The following TNRC6A variants were observed in gnomAD, a reference collection of about 807,000 sequenced individuals.
TNRC6A encodes trinucleotide repeat containing adaptor 6A.
A neutral mutation model predicts 221.2 loss-of-function variants in TNRC6A; 44 were observed. The observed-to-expected ratio is 0.20, with a 90% CI of 0.16 to 0.26. TNRC6A has a LOEUF of 0.26. Ranked by LOEUF, TNRC6A falls within the 10% of genes least tolerant of loss-of-function variation. TNRC6A has a pLI of 1.00. For synonymous variants in TNRC6A, 847 were observed against 838.5 expected, an observed-to-expected ratio of 1.01 and a Z score of -0.18; for missense variants, 2,199 against 2,404.4, an observed-to-expected ratio of 0.91 and a Z score of 1.79.
intron 23 of TNRC6A, 143 bp from the exon 24 acceptor site, chr16:24,822,731 G>A: frequency 8.5e-7 from 1 of 1,179,642 alleles, no homozygotes. Context: ...CCCCGTCAGA[G>A]CAACGTCAGA....
In TNRC6A at chr16:24,824,128, C is replaced by CG. The variant is rs1555512474; in HGVS notation, c.*321_*322insG. The CG allele has an allele frequency of 2.6e-5, 3 of 115,340 alleles. No homozygotes were observed. The highest frequency in any genetic ancestry group is 2.5e-4 in the Admixed American group (2 of 8,074). The allele number at this position is 115,340 out of a possible 1,614,324, so 7.1% of individuals were successfully genotyped here. On this transcript the variant is annotated 3_prime_UTR_variant, in exon 25 of 25. Transcript: ENST00000395799. ...TTTTTTCCTTCTATTCCTCCCCAAC[C>CG]CCCCCCCCCGCCCCTTTTTTTCTCT...
chr16:24,655,959 C>T lies in TNRC6A; in HGVS notation n.402+14950C>T, dbSNP rs567554688. ...GTTTGAGACCAGCCTGGGCAACCTA[C>T]GGAGACCCTTGTCTTTACAAAAAAT... On this transcript the variant is annotated intron_variant and non_coding_transcript_variant, in intron 2 of 2. Coordinates refer to the TNRC6A transcript ENST00000566108. Among the ~76,000 whole-genome samples, 9 of 149,108 alleles carry T rather than the reference C, an allele frequency of 6.0e-5. No homozygotes were observed. In the East Asian group the frequency reaches 6.1e-4, roughly 10 times the overall value.
intron 5 of TNRC6A, among the ~76,000 whole-genome samples, chr16:24,788,672 G>A (rs1213204442): frequency 6.8e-6 from 1 of 146,334 alleles, no homozygotes; most frequent in Non-Finnish European, 1.5e-5. Flanking sequence ...TTTTTGAGAC[G>A]GAGTCTCGCT....
intron 2 of TNRC6A, among the ~76,000 whole-genome samples, chr16:24,683,430 T>C (rs1437067085): frequency 6.6e-6 from 1 of 152,140 alleles, no homozygotes; most frequent in East Asian, 1.9e-4. Flanking sequence ...ACACCTGTGC[T>C]CAAGCGATCC....
chr16:24,762,983 A>AT (rs998384291), intron 4 of TNRC6A, among the ~76,000 whole-genome samples: 15 of 150,348 alleles, frequency 1.0e-4, no homozygotes, highest in Non-Finnish European at 1.9e-4. Context: ...AAGCGTGTAG[A>AT]TTTTTTTTTT....
At position 24,791,778 on chromosome 16, in the gene TNRC6A, G is replaced by C. The variant is rs1567484538; in HGVS notation, c.3136G>C (p.Ala1046Pro). The change falls in exon 6 of 25, where the codon GCA becomes CCA. Residue 1046 changes from alanine (A) to proline (P), a missense_variant. By Grantham distance (27) the Ala-to-Pro change is conservative (BLOSUM62 -1). Transcript: ENST00000395799. Reference protein sequence around the residue: ...QAQVHQLLTPASAISNKEASS... With the variant: ...QAQVHQLLTPPSAISNKEASS... ...ACAGGTACATCAGCTGCTAACGCCT[G>C]CAAGTGCCATCTCAAACAAAGAGGC... 1 of 1,576,116 alleles carries C rather than the reference G, an allele frequency of 6.3e-7. No individual in the cohort carries two copies. Among genetic ancestry groups the C allele is most frequent in the Non-Finnish European group, 8.6e-7 (1 of 1,165,046 alleles).
intron 1 of TNRC6A, among the ~76,000 whole-genome samples, chr16:24,640,075 G>T (rs1383999659): frequency 6.6e-6 from 1 of 152,154 alleles, no homozygotes; most frequent in Non-Finnish European, 1.5e-5. Flanking sequence ...ATGATAGTTG[G>T]GTGGGGGAGT....
chr16:24,808,387 A>G lies in TNRC6A; in HGVS notation c.4541-963A>G, dbSNP rs11865084. Among the ~76,000 whole-genome samples the G allele has an allele frequency of 8.7e-3, 1,321 of 152,344 alleles. 22 individuals carry two copies. The highest frequency in any genetic ancestry group is 0.03 in the African/African-American group (1,254 of 41,578). On this transcript the variant is annotated intron_variant, in intron 17 of 24. Transcript: ENST00000395799. The stretch of plus-strand genomic sequence containing the variant: ...ATGGCCTGTTGGCCAAATTTGGCCC[A>G]CTGCCTGCTGTTGTAAGGTTTTGTT...
chr16:24,616,342 AAAG>A (rs575298794), intron 1 of TNRC6A, among the ~76,000 whole-genome samples: 11 of 144,930 alleles, frequency 7.6e-5, no homozygotes, highest in South Asian at 2.2e-4. Context: ...AAAAAAAAAA[AAAG>A]AAGAAGAAGA....
At chr16:24,794,498 C>A (rs761023567) in intron 7 of TNRC6A, 46 bp from the exon 8 acceptor site, 8 of 1,569,400 alleles carry the variant, frequency 5.1e-6, no homozygotes, top group East Asian at 2.3e-5. Context: ...AGAAGGAATT[C>A]TTTTATTAAA....
intron 2 of TNRC6A, chr16:24,664,972 G>A (rs1175043447): frequency 4.4e-6 from 2 of 456,446 alleles, no homozygotes; most frequent in Non-Finnish European, 8.8e-6. Context: ...TCACGGGATG[G>A]TTGCAGCCAG....
rs67546745 is a variant in TNRC6A at position 24,623,901 on chromosome 16, CAAAAAAAAAAAAA to C, written n.276+13434_276+13446del. 5.4e-5 allele frequency among the ~76,000 whole-genome samples: 3 copies of C among 55,188 alleles called. No individual in the cohort carries two copies. The Admixed American group carries it at 1.0e-3, about 18-fold the overall frequency. The allele number at this position is 55,188 out of a possible 152,430, so 36.2% of individuals were successfully genotyped here. On this transcript the variant is annotated intron_variant and non_coding_transcript_variant, in intron 1 of 2. Coordinates refer to the TNRC6A transcript ENST00000566108. ...TGGGTAAAGGAGCAAGACCCTGTCT[CAAAAAAAAAAAAA>C]AAAAAAAAAAAAAAAAGAATTTCAA...
intron 1 of TNRC6A, among the ~76,000 whole-genome samples, chr16:24,620,823 C>T (rs760412511): frequency 9.4e-5 from 14 of 149,502 alleles, no homozygotes; most frequent in Non-Finnish European, 1.6e-4. Flanking sequence ...CAGTGGCTCA[C>T]GCCTGTAATC....
chr16:24,783,389 A>T (rs1248757639), intron 5 of TNRC6A, among the ~76,000 whole-genome samples: 1 of 152,160 alleles, frequency 6.6e-6, no homozygotes, highest in African/African-American at 2.4e-5. Context: ...TCGGCCTCCC[A>T]AAGTGCTGGG....
At chr16:24,808,739 A>G (rs138510829) in intron 17 of TNRC6A, among the ~76,000 whole-genome samples, 59 of 152,360 alleles carry the variant, frequency 3.9e-4, no homozygotes, top group African/African-American at 1.2e-3. Context: ...CCTCTTGGGA[A>G]TTGTGAAACA....
In TNRC6A at chr16:24,815,189, T is replaced by C. The variant is rs1390222999; in HGVS notation, c.4715T>C (p.Val1572Ala). 2.5e-6 allele frequency: 4 copies of C among 1,614,232 alleles called. No homozygotes were observed. In the Admixed American group the frequency reaches 5.0e-5, roughly 20 times the overall value. ...TTCAGGCTGGAAGAGTCTCCATTTG[T>C]TCCCTATGACTTTATGAACAGCAGT... ...SGFRLEESPF[V>A]PYDFMNSSTS... is the part of the protein sequence containing the mutation. Residue 1572 changes from valine to alanine, a missense_variant, in exon 19 of 25, where the codon GTT (valine) becomes GCT (alanine). Coordinates refer to ENST00000395799, the MANE Select transcript of TNRC6A (RefSeq NM_014494.4).
At chr16:24,720,481 G>T (rs1487824958) in intron 2 of TNRC6A, among the ~76,000 whole-genome samples, 1 of 151,612 alleles carries the variant, frequency 6.6e-6, no homozygotes, top group Non-Finnish European at 1.5e-5. Flanking sequence ...CTGAGGTCAG[G>T]AGTTCGAGAC....
At chr16:24,647,843 C>T (rs1303602403) in intron 2 of TNRC6A, among the ~76,000 whole-genome samples, 1 of 152,098 alleles carries the variant, frequency 6.6e-6, no homozygotes, top group African/African-American at 2.4e-5. Flanking sequence ...AACTCCTGAC[C>T]TCAAATGATC....
chr16:24,757,288 A>G (rs2057272724), intron 3 of TNRC6A, among the ~76,000 whole-genome samples: 1 of 50,190 alleles, frequency 2.0e-5, no homozygotes, highest in African/African-American at 2.0e-4. Context: ...TGTGGCTTCA[A>G]TATTAGGGAG....
Sources: gnomAD v4.1 joint callset for allele counts (sites outside exome capture counted in the v4.1 genomes callset) on GRCh38, gnomAD v4.1.1 for gene constraint, MANE v1.5 for transcripts, NCBI Gene and HGNC (gene_info 2026-07-23, HGNC 2026-07-21) for gene names.